The following EXO1 variants were observed in gnomAD, a reference collection of about 807,000 sequenced individuals.
The protein encoded by EXO1 is exonuclease 1.
A neutral mutation model predicts 84.5 loss-of-function variants in EXO1; 69 were observed. The ratio of observed to expected loss-of-function variants is 0.82; its 90% CI spans 0.67 to 1.00. EXO1 has a LOEUF of 1.00. EXO1 is among the 50% of genes least tolerant of loss of function. EXO1 has a pLI of 0.00. For missense variants in EXO1, 1,045 were observed against 1,000.7 expected (o/e 1.04, Z -0.60); for synonymous variants, 373 against 366.1 (o/e 1.02, Z -0.21).
rs1661326061 is a variant in EXO1, at chr1:241,860,584, T to C, written c.824T>C (p.Phe275Ser). 1 of 1,613,974 alleles carries C rather than the reference T, an allele frequency of 6.2e-7. No individual in the cohort carries two copies. Among genetic ancestry groups the C allele is most frequent in the African/African-American group, 1.3e-5 (1 of 74,948 alleles). ...ITVPEDYING[F>S]IRANNTFLYQ... ...GTACCAGAGGATTACATCAACGGGTTTATTCGGGCCAACAATACCTTCCTC... is the reference window on the plus strand; with the variant it reads ...GTACCAGAGGATTACATCAACGGGTCTATTCGGGCCAACAATACCTTCCTC... Residue 275 changes from phenylalanine to serine, a missense_variant, in exon 9 of 16, where the codon TTT (phenylalanine) becomes TCT (serine). By Grantham distance (155) the Phe-to-Ser change is radical. Coordinates refer to ENST00000366548, the MANE Select transcript of EXO1 (RefSeq NM_130398.4).
chr1:241,856,204 G>A (rs1191070851), intron 6 of EXO1, among the ~76,000 whole-genome samples: 1 of 151,786 alleles, frequency 6.6e-6, no homozygotes, highest in African/African-American at 2.4e-5. Flanking sequence ...ATAGCAAATT[G>A]TTACCAAAAT....
rs1661379940 is a variant in EXO1 at position 241,861,487 on chromosome 1, T to A, written c.1026T>A (p.Asn342Lys). 1.3e-6 allele frequency: 2 copies of A among 1,568,656 alleles called. No homozygotes were observed. The highest frequency in any genetic ancestry group is 1.8e-6 in the Non-Finnish European group (2 of 1,138,608). ...CTTTTGAACAGATCGATGACTACAA[T>A]CCAGACACTGCTATGGTAACGTTTT... Reference protein sequence around the residue: ...INTFEQIDDYNPDTAMPAHSR... With the variant: ...INTFEQIDDYKPDTAMPAHSR... The change falls in exon 10 of 16, where the codon AAT (asparagine) becomes AAA (lysine). Residue 342 changes from asparagine to lysine, a missense_variant. By Grantham distance (94) the Asn-to-Lys change is moderately conservative (BLOSUM62 0). Transcript: ENST00000366548.
At chr1:241,861,972 C>T (rs1043393234) in intron 10 of EXO1, among the ~76,000 whole-genome samples, 1 of 152,016 alleles carries the variant, frequency 6.6e-6, no homozygotes, top group East Asian at 1.9e-4. Context: ...GAGTTTCATT[C>T]TTGTTGCCCA....
In EXO1 at chr1:241,876,723, G is replaced by GT. The variant is rs1213570996; in HGVS notation, c.1515-2024dup. ...ATTGCTGCTATCTTCTCTATTTGAG[G>GT]TTAAGAGATTGAGGCTCTGAGAGGT... On this transcript the variant is annotated intron_variant, in intron 12 of 15. Transcript: ENST00000366548. Among the ~76,000 whole-genome samples, 21 of 152,246 alleles carry GT rather than the reference G, an allele frequency of 1.4e-4. No homozygotes were observed. In the East Asian group the frequency reaches 4.1e-3, roughly 29 times the overall value.
chr1:241,858,493 C>G lies in EXO1; in HGVS notation c.544-13C>G. 6.3e-7 allele frequency: 1 copy of G among 1,595,994 alleles called. No individual in the cohort carries two copies. The highest frequency in any genetic ancestry group is 8.6e-7 in the Non-Finnish European group (1 of 1,163,444). ...GCCCTTCTAGGTATTAACAATTTCC[C>G]TTCCTTTTGAAGGTAATTTTAAAGA... On this transcript the variant is annotated splice_polypyrimidine_tract_variant and intron_variant, in intron 7 of 15. Coordinates refer to ENST00000366548, the MANE Select transcript of EXO1 (RefSeq NM_130398.4).
At chr1:241,856,381 A>G (rs1351031671) in intron 6 of EXO1, among the ~76,000 whole-genome samples, 2 of 151,534 alleles carry the variant, frequency 1.3e-5, no homozygotes, top group South Asian at 2.1e-4. Context: ...CGGCTATGAT[A>G]GGGGCTGTTT....
chr1:241,886,011 G>A (rs1310716749), intron 15 of EXO1, among the ~76,000 whole-genome samples: 1 of 151,954 alleles, frequency 6.6e-6, no homozygotes, highest in Non-Finnish European at 1.5e-5. Context: ...GCACCACCAC[G>A]CCTGGCTAAT....
chr1:241,857,809 G>A (rs544704052), intron 7 of EXO1, among the ~76,000 whole-genome samples: 92 of 152,128 alleles, frequency 6.0e-4, no homozygotes, highest in Non-Finnish European at 1.0e-3. Flanking sequence ...GAATGTGGAC[G>A]TACCAGTTTT....
chr1:241,860,410 C>T (rs1661314619), intron 8 of EXO1, 107 bp from the exon 9 acceptor site: 2 of 869,544 alleles, frequency 2.3e-6, no homozygotes, highest in Non-Finnish European at 1.9e-6. Context: ...TAGATGAAAG[C>T]AGTTAATGTT....
In EXO1 at chr1:241,852,344, A is replaced by G. The variant is rs1660719744; in HGVS notation, c.214A>G (p.Lys72Glu). 6.3e-7 allele frequency: 1 copy of G among 1,591,228 alleles called. No individual in the cohort carries two copies. Among genetic ancestry groups the G allele is most frequent in the African/African-American group, 1.3e-5 (1 of 74,462 alleles). Reference sequence around the variant, plus strand: ...AAATATGTTACTATCTCATGGGATCAAGCCTATTCTCGTATTTGATGGATG... The same window carrying G: ...AAATATGTTACTATCTCATGGGATCGAGCCTATTCTCGTATTTGATGGATG... ...FVNMLLSHGI[K>E]PILVFDGCTL... The change falls in exon 5 of 16, where the codon AAG (lysine) becomes GAG (glutamate). Residue 72 changes from lysine (K) to glutamate (E), a missense_variant. Lys to Glu is a moderately conservative substitution (Grantham distance 56). Coordinates refer to ENST00000366548, the MANE Select transcript of EXO1 (RefSeq NM_130398.4).
In EXO1 at chr1:241,868,903, T is replaced by C. The variant is rs1417938571; in HGVS notation, c.1267+1848T>C. 2.0e-5 allele frequency among the ~76,000 whole-genome samples: 3 copies of C among 152,238 alleles called. No individual in the cohort carries two copies. The East Asian group carries it at 5.8e-4, about 29-fold the overall frequency. On this transcript the variant is annotated intron_variant, in intron 11 of 15. Coordinates refer to ENST00000366548, the MANE Select transcript of EXO1 (RefSeq NM_130398.4). ...GTTTTCTAGTTGTTCATTGATGGTATATAGAAATACCATTGATTTTTGTAC... is the reference window on the plus strand; with the variant it reads ...GTTTTCTAGTTGTTCATTGATGGTACATAGAAATACCATTGATTTTTGTAC...
At chr1:241,879,578 A>G (rs1359768435) in intron 13 of EXO1, among the ~76,000 whole-genome samples, 3 of 152,218 alleles carry the variant, frequency 2.0e-5, no homozygotes, top group Non-Finnish European at 4.4e-5. Context: ...GAATCACTGT[A>G]TGTTCGATTG....
rs769489836 is a variant in EXO1, at chr1:241,853,439, G to T, written c.363G>T (p.Arg121=). The part of the protein sequence containing the change: ...KVSEARECFT[R]SINITHAMAH... ...CGGAAGCTCGAGAGTGTTTCACCCG[G>T]TCTATCAATATCACACATGCCATGG... The change falls in exon 6 of 16, where the codon CGG becomes CGT. Residue 121 remains arginine, a synonymous_variant. Transcript: ENST00000366548. 3 of 1,613,992 alleles carry T rather than the reference G, an allele frequency of 1.9e-6. No homozygotes were observed. The highest frequency in any genetic ancestry group is 1.7e-6 in the Non-Finnish European group (2 of 1,179,970).
intron 12 of EXO1, among the ~76,000 whole-genome samples, chr1:241,873,862 G>A (rs554004725): frequency 1.3e-5 from 2 of 152,124 alleles, no homozygotes; most frequent in South Asian, 4.1e-4. Flanking sequence ...AGGTGAAGCA[G>A]GCAAAGACCG....
intron 11 of EXO1, among the ~76,000 whole-genome samples, chr1:241,869,754 C>T (rs1180406213): frequency 1.3e-5 from 1 of 79,120 alleles, no homozygotes; most frequent in Non-Finnish European, 2.6e-5. Context: ...CTCCCTCCTT[C>T]CTTCCTTCCT....
intron 12 of EXO1, among the ~76,000 whole-genome samples, chr1:241,878,426 G>T (rs1483493467): frequency 6.6e-6 from 1 of 151,668 alleles, no homozygotes; most frequent in African/African-American, 2.4e-5. Context: ...GAACCCGGGG[G>T]GCGGAGGTTG....
Position 241,859,626 on chromosome 1 carries a change from CCAAAATCTGAAAAAATT to C in EXO1, c.757-878_757-862del, listed in dbSNP as rs1442045728. 3.3e-5 allele frequency among the ~76,000 whole-genome samples: 5 copies of C among 152,184 alleles called. No homozygotes were observed. In the South Asian group the frequency reaches 1.0e-3, roughly 32 times the overall value. The stretch of plus-strand genomic sequence containing the variant: ...CTCATAACGTGTATATGCAAATATT[CCAAAATCTGAAAAAATT>C]CAAAATCTGAAACACTTCTGGTGCC... On this transcript the variant is annotated intron_variant, in intron 8 of 15. Coordinates refer to ENST00000366548, the MANE Select transcript of EXO1 (RefSeq NM_130398.4).
chr1:241,856,601 A>G (rs1214159421), intron 6 of EXO1, among the ~76,000 whole-genome samples: 1 of 152,136 alleles, frequency 6.6e-6, no homozygotes, highest in Non-Finnish European at 1.5e-5. Flanking sequence ...AATTTTATCA[A>G]TACTGTGTCA....
intron 13 of EXO1, among the ~76,000 whole-genome samples, chr1:241,880,184 ACTGT>A (rs1461010196): frequency 2.6e-5 from 4 of 152,050 alleles, no homozygotes; most frequent in East Asian, 1.9e-4. Flanking sequence ...GGTCTAGAAG[ACTGT>A]CTGTTTCTCT....
Sources: allele counts gnomAD v4.1 joint callset (sites outside exome capture counted in the v4.1 genomes callset), GRCh38; gene constraint gnomAD v4.1.1; transcripts MANE v1.5; gene names NCBI Gene and HGNC (gene_info 2026-07-23, HGNC 2026-07-21).